FMN1: variants seen among roughly 807,000 people sequenced by gnomAD.
The protein encoded by FMN1 is formin 1.
FMN1 carries 110 observed loss-of-function variants against 132.4 expected under a neutral mutation model. The observed-to-expected ratio is 0.83, with a 90% CI of 0.71 to 0.97. The LOEUF is 0.97. Among genes scored for constraint, FMN1 ranks in the 50% least tolerant of loss-of-function variants. FMN1 has a pLI of 0.00. For missense variants in FMN1, 1,792 were observed against 1,705.3 expected (o/e 1.05, Z -0.90); for synonymous variants, 722 against 651.7 (o/e 1.11, Z -1.64).
At chr15:32,899,432 C>T (rs989263046) in intron 14 of FMN1, among the ~76,000 whole-genome samples, 12 of 152,188 alleles carry the variant, frequency 7.9e-5, no homozygotes, top group Admixed American at 2.0e-4. Context: ...TGTGTTTCCC[C>T]TCCCTGCACC....
intron 9 of FMN1, among the ~76,000 whole-genome samples, chr15:32,957,940 G>A (rs1398612801): frequency 1.3e-5 from 2 of 152,088 alleles, no homozygotes; most frequent in East Asian, 1.9e-4. Context: ...CATGTTTGTC[G>A]TGGCAGAGTG....
chr15:32,877,958 A>T (rs192571457), intron 16 of FMN1, among the ~76,000 whole-genome samples: 1 of 152,362 alleles, frequency 6.6e-6, no homozygotes, highest in East Asian at 1.9e-4. Flanking sequence ...AAAAGGTCAT[A>T]TATCTGCCTT....
At chr15:32,832,301 C>T (rs2058521566) in intron 17 of FMN1, among the ~76,000 whole-genome samples, 1 of 152,162 alleles carries the variant, frequency 6.6e-6, no homozygotes, top group Non-Finnish European at 1.5e-5. Flanking sequence ...TAGGGGTTGT[C>T]TGTTTGTGGT....
chr15:32,971,558 T>C (rs1292641801), intron 7 of FMN1, among the ~76,000 whole-genome samples: 1 of 152,182 alleles, frequency 6.6e-6, no homozygotes, highest in South Asian at 2.1e-4. Context: ...TTAGCCCTGA[T>C]TACCACCCTG....
intron 9 of FMN1, among the ~76,000 whole-genome samples, chr15:32,950,054 C>CATATATATATATACACAT (rs1567449834): frequency 2.0e-4 from 1 of 4,914 alleles, no homozygotes; most frequent in Admixed American, 3.3e-3. Flanking sequence ...TATATATACA[C>CATATATATATATACACAT]ATATATATAT....
At chr15:32,887,524 GTAAAT>G (rs2059924297) in intron 16 of FMN1, among the ~76,000 whole-genome samples, 1 of 152,184 alleles carries the variant, frequency 6.6e-6, no homozygotes. Flanking sequence ...AATTAAAAAT[GTAAAT>G]TAAACTAAAA....
At position 32,964,171 on chromosome 15, in the gene FMN1, T is replaced by C; in HGVS notation, c.3074A>G (p.Asp1025Gly). 1 of 1,613,482 alleles carries C rather than the reference T, an allele frequency of 6.2e-7. No individual in the cohort carries two copies. Residue 1025 changes from aspartate (D) to glycine (G), a missense_variant, in exon 9 of 21, where the codon GAC (aspartate) becomes GGC (glycine). Physicochemically the swap from Asp to Gly is moderately conservative, Grantham distance 94. Around this residue, in one of 3 missense-constraint regions of FMN1, gnomAD observed 1,150 missense variants for 1,043.1 expected, o/e 1.10. Coordinates refer to ENST00000616417, the MANE Select transcript of FMN1 (RefSeq NM_001277313.2). The part of the protein sequence containing the change: ...PSEFEYLFSK[D>G]TTQQKKKPLS... ...AGGTTTTTTCTTCTGTTGAGTTGTG[T>C]CTTTGGAGAATAAATACTCAAATTC... is the stretch of plus-strand genomic sequence containing the variant.
chr15:32,977,750 A>C (rs1318331113), intron 7 of FMN1, among the ~76,000 whole-genome samples: 1 of 152,256 alleles, frequency 6.6e-6, no homozygotes, highest in Non-Finnish European at 1.5e-5. Flanking sequence ...TTATCTAAGC[A>C]ATATAAACAG....
intron 17 of FMN1, among the ~76,000 whole-genome samples, chr15:32,851,949 C>G: frequency 6.6e-6 from 1 of 152,172 alleles, no homozygotes; most frequent in South Asian, 2.1e-4. Flanking sequence ...AGCTTTCTTG[C>G]AAAACACTCT....
chr15:32,902,160 G>A, intron 12 of FMN1, 120 bp from the exon 13 acceptor site: 1 of 844,412 alleles, frequency 1.2e-6, no homozygotes, highest in Non-Finnish European at 1.8e-6. Context: ...AATTATAAAA[G>A]GTGTCACATA....
At chr15:33,010,873 T>C (rs1361259695) in intron 6 of FMN1, among the ~76,000 whole-genome samples, 1 of 150,066 alleles carries the variant, frequency 6.7e-6, no homozygotes, top group South Asian at 2.1e-4. Flanking sequence ...TATAAGAAAA[T>C]AGTAACATTT....
chr15:33,059,353 C>T (rs911996815), intron 6 of FMN1, among the ~76,000 whole-genome samples: 1 of 152,160 alleles, frequency 6.6e-6, no homozygotes, highest in Non-Finnish European at 1.5e-5. Context: ...CTACAATGAA[C>T]ATGGGAGTGC....
chr15:33,168,626 C>A (rs967495249), intron 3 of FMN1, among the ~76,000 whole-genome samples: 1 of 152,162 alleles, frequency 6.6e-6, no homozygotes, highest in African/African-American at 2.4e-5. Context: ...GTTTCTGCCA[C>A]AGGGGATATA....
At chr15:33,035,025 G>A (rs961348352) in intron 6 of FMN1, among the ~76,000 whole-genome samples, 5 of 152,048 alleles carry the variant, frequency 3.3e-5, no homozygotes, top group South Asian at 2.1e-4. Flanking sequence ...CAAAACCTAC[G>A]GACCCCTTTC....
At chr15:33,150,391 G>A (rs1440829858) in intron 4 of FMN1, 13 of 985,334 alleles carry the variant, frequency 1.3e-5, no homozygotes, top group Non-Finnish European at 1.6e-5. Context: ...GGTGGTGGGA[G>A]GAGGCAGGAG....
At chr15:33,067,450 G>C (rs781298447) in intron 5 of FMN1, 1 of 1,613,968 alleles carries the variant, frequency 6.2e-7, no homozygotes, top group African/African-American at 1.3e-5. Context: ...CAGAATCACT[G>C]GTGGTGTGCA....
In FMN1 at chr15:32,889,314, CCT is replaced by C. The variant is rs370157623; in HGVS notation, c.3715-1024_3715-1023del. 4.2e-3 allele frequency among the ~76,000 whole-genome samples: 637 copies of C among 152,252 alleles called. 1 individual carries two copies. The highest frequency in any genetic ancestry group is 0.014 in the African/African-American group (601 of 41,542). ...CTTTTCCAGTCTAGCTAGCTTTCTCCCTGAGTTGTTTAACGTAAGCTTTGTAT... is the reference window on the plus strand; with the variant it reads ...CTTTTCCAGTCTAGCTAGCTTTCTCCGAGTTGTTTAACGTAAGCTTTGTAT... On this transcript the variant is annotated intron_variant, in intron 15 of 20. Coordinates refer to ENST00000616417, the MANE Select transcript of FMN1 (RefSeq NM_001277313.2).
intron 6 of FMN1, chr15:33,062,818 T>G (rs899058596): frequency 6.6e-6 from 1 of 152,208 alleles, no homozygotes; most frequent in Non-Finnish European, 1.5e-5. Flanking sequence ...TTGGGGAACA[T>G]TTAAAACCTT....
chr15:33,064,879 G>A (rs938699745), intron 6 of FMN1, 78 bp downstream of exon 6: 19 of 963,196 alleles, frequency 2.0e-5, no homozygotes, highest in Non-Finnish European at 2.8e-5. Context: ...CCCAAATTCT[G>A]AGAGTCAACT....
Sources: gnomAD v4.1 joint callset for allele counts (sites outside exome capture counted in the v4.1 genomes callset) on GRCh38, gnomAD v4.1.1 for gene constraint, gnomAD v4.1.1 regional missense constraint, MANE v1.5 for transcripts, NCBI Gene and HGNC (gene_info 2026-07-23, HGNC 2026-07-21) for gene names.